Variants in NPHP3 observed in about 807,000 individuals in gnomAD.
The protein encoded by NPHP3 is nephrocystin-3.
In NPHP3, 123 loss-of-function variants were observed where a neutral mutation model predicts 171.9. That is an observed-to-expected ratio of 0.72 (90% CI 0.62 to 0.83). The LOEUF (loss-of-function observed/expected upper bound fraction) is 0.83. Ranked by LOEUF, NPHP3 falls within the 40% of genes least tolerant of loss-of-function variation. The pLI is 0.00. For missense variants in NPHP3, 1,506 were observed against 1,591.9 expected (o/e 0.95, Z 0.92); for synonymous variants, 558 against 579.2 (o/e 0.96, Z 0.52).
intron 21 of NPHP3, 54 bp downstream of exon 21, chr3:132,688,596 A>G: frequency 6.3e-7 from 1 of 1,590,628 alleles, no homozygotes; most frequent in Non-Finnish European, 8.6e-7. Context: ...TAAGTACACT[A>G]AAACTGTAAT....
In NPHP3 at chr3:132,700,394, C is replaced by CA; in HGVS notation, c.1682dup (p.Arg563LysfsTer14). ...CTGAGCTGGTTGACATGGGCCTTCC[C>CA]ACAAAATGGGAAAGAATCAGTGTGT... On this transcript the variant is annotated frameshift_variant, in exon 11 of 27. Coordinates refer to ENST00000337331, the MANE Select transcript of NPHP3 (RefSeq NM_153240.5). LOFTEE classifies it high-confidence loss of function. The CA allele has an allele frequency of 6.2e-7, 1 of 1,613,578 alleles. No homozygotes were observed. The highest frequency in any genetic ancestry group is 1.1e-5 in the South Asian group (1 of 91,018).
intron 9 of NPHP3, among the ~76,000 whole-genome samples, chr3:132,701,991 A>T (rs1337171353): frequency 4.6e-5 from 7 of 152,136 alleles, no homozygotes; most frequent in African/African-American, 1.4e-4. Flanking sequence ...GTGCCACCGC[A>T]CTCCAGCCTG....
intron 8 of NPHP3, 72 bp from the exon 9 acceptor site, chr3:132,704,443 C>CA: frequency 6.4e-7 from 1 of 1,557,400 alleles, no homozygotes; most frequent in Non-Finnish European, 8.9e-7. Flanking sequence ...CACCCAGGCC[C>CA]AAAGTGGGCT....
intron 1 of NPHP3, among the ~76,000 whole-genome samples, chr3:132,720,278 CT>C (rs1337420814): frequency 7.9e-5 from 12 of 152,228 alleles, no homozygotes; most frequent in African/African-American, 2.9e-4. Context: ...CAGTAAATGT[CT>C]GACACAATGA....
intron 20 of NPHP3, 25 bp downstream of exon 20, chr3:132,689,049 C>T: frequency 6.2e-7 from 1 of 1,613,940 alleles, no homozygotes; most frequent in Non-Finnish European, 8.5e-7. Context: ...CTGTCTCTGG[C>T]TTGCCATTGA....
At chr3:132,712,638 C>T (rs1352677121) in intron 6 of NPHP3, among the ~76,000 whole-genome samples, 2 of 151,974 alleles carry the variant, frequency 1.3e-5, no homozygotes, top group South Asian at 2.1e-4. Flanking sequence ...TGGTGGTGGG[C>T]GCCTATAGTC....
At chr3:132,690,373 T>C (rs985398553) in intron 19 of NPHP3, among the ~76,000 whole-genome samples, 155 bp downstream of exon 19, 1 of 152,224 alleles carries the variant, frequency 6.6e-6, no homozygotes, top group African/African-American at 2.4e-5. Flanking sequence ...GCAGATCTAA[T>C]AGAGATTTGT....
rs766279003 is a variant in NPHP3 at position 132,722,356 on chromosome 3, G to A, written c.-1C>T. 2 of 1,576,852 alleles carry A rather than the reference G, an allele frequency of 1.3e-6. No individual in the cohort carries two copies. On this transcript the variant is annotated 5_prime_UTR_variant, in exon 1 of 27. Coordinates refer to ENST00000337331, the MANE Select transcript of NPHP3 (RefSeq NM_153240.5). ...TCACGAGCGACGAGGCGGTCCCCAT[G>A]GCGTCCGTTGCCGCTACTACCTAGT...
In NPHP3 at chr3:132,700,049, A is replaced by G. The variant is rs1939564957; in HGVS notation, c.1756T>C (p.Ser586Pro). The change falls in exon 12 of 27, where the codon TCT (serine) becomes CCT (proline). Residue 586 changes from serine to proline, a missense_variant. Transcript: ENST00000337331. The part of the protein sequence containing the change: ...KRLTLKLMQH[S>P]WSVSALTLDP... ...AGTGTCAGAGCAGAGACTGACCAAG[A>G]GTGCTGCATCAACTACAAGATAAGA... 6.2e-7 allele frequency: 1 copy of G among 1,614,158 alleles called. No homozygotes were observed. Among genetic ancestry groups the G allele is most frequent in the African/African-American group, 1.3e-5 (1 of 75,060 alleles).
chr3:132,721,960 T>C lies in NPHP3; in HGVS notation c.393+3A>G, dbSNP rs1396374864. 1.2e-6 allele frequency: 2 copies of C among 1,612,312 alleles called. No homozygotes were observed. The highest frequency in any genetic ancestry group is 2.7e-5 in the African/African-American group (2 of 74,928). On this transcript the variant is annotated splice_donor_region_variant and intron_variant, in intron 1 of 26. Transcript: ENST00000337331. Reference sequence around the variant, plus strand: ...CCGGCGTCGCGGCCCAGCCCGGCGTTACCTGCAGTTCGGCCCGCAGCCGCT... The same window carrying C: ...CCGGCGTCGCGGCCCAGCCCGGCGTCACCTGCAGTTCGGCCCGCAGCCGCT...
At chr3:132,691,153 G>A (rs774403855) in intron 18 of NPHP3, 39 bp downstream of exon 18, 135 of 1,406,028 alleles carry the variant, frequency 9.6e-5, no homozygotes, top group Admixed American at 4.9e-4. Flanking sequence ...GTAGTGTGTT[G>A]CAGAAGTTAC....
Position 132,700,281 on chromosome 3 carries a change from C to G in NPHP3, c.1743+53G>C. 2.2e-6 allele frequency: 3 copies of G among 1,388,792 alleles called. No individual in the cohort carries two copies. The South Asian group carries it at 3.5e-5, about 16-fold the overall frequency. 86.0% of individuals were successfully genotyped at this position (1,388,792 alleles called of 1,614,324 possible). Reference sequence around the variant, plus strand: ...ACCAGTAGGTACTTATTAGTCCCAACAATTTCTGAATCTAAATAAAATTCT... The same window carrying G: ...ACCAGTAGGTACTTATTAGTCCCAAGAATTTCTGAATCTAAATAAAATTCT... On this transcript the variant is annotated intron_variant, in intron 11 of 26. Coordinates refer to ENST00000337331, the MANE Select transcript of NPHP3 (RefSeq NM_153240.5).
intron 15 of NPHP3, 35 bp downstream of exon 15, chr3:132,696,696 C>T: frequency 5.0e-6 from 8 of 1,588,150 alleles, no homozygotes; most frequent in Non-Finnish European, 6.9e-6. Context: ...AAACACAAAA[C>T]ATGCAGAAGA....
chr3:132,711,826 G>A (rs1039219053), intron 6 of NPHP3, among the ~76,000 whole-genome samples: 3 of 152,208 alleles, frequency 2.0e-5, no homozygotes, highest in African/African-American at 7.2e-5. Context: ...AGGCAATCAA[G>A]TTGAAGAACT....
intron 24 of NPHP3, among the ~76,000 whole-genome samples, chr3:132,683,841 C>G (rs1939092277): frequency 6.6e-6 from 1 of 152,210 alleles, no homozygotes; most frequent in African/African-American, 2.4e-5. Context: ...AAATAAAAAG[C>G]TCATTTCTTG....
intron 26 of NPHP3, chr3:132,682,475 T>C: frequency 1.7e-6 from 1 of 578,436 alleles, no homozygotes; most frequent in Non-Finnish European, 3.1e-6. Context: ...GTATAAACCA[T>C]CCTTCACTGT....
At chr3:132,701,349 G>A in intron 10 of NPHP3, 81 bp downstream of exon 10, 1 of 957,958 alleles carries the variant, frequency 1.0e-6, no homozygotes, top group Non-Finnish European at 1.7e-6. Flanking sequence ...CGCGCAGGAA[G>A]GCAGGCATGC....
At chr3:132,700,566 G>T (rs2107981583) in intron 10 of NPHP3, 118 bp from the exon 11 acceptor site, 1 of 590,488 alleles carries the variant, frequency 1.7e-6, no homozygotes, top group East Asian at 2.9e-5. Flanking sequence ...CAGGTGGTCA[G>T]TTACTTTTAA....
chr3:132,687,648 C>A (rs1939195563), intron 21 of NPHP3, among the ~76,000 whole-genome samples: 1 of 152,152 alleles, frequency 6.6e-6, no homozygotes, highest in Admixed American at 6.5e-5. Flanking sequence ...TCTGCACAGG[C>A]TAATTTCTGG....
Sources: gnomAD v4.1 joint callset for allele counts (sites outside exome capture counted in the v4.1 genomes callset) on GRCh38, gnomAD v4.1.1 for gene constraint, MANE v1.5 for transcripts, NCBI Gene and HGNC (gene_info 2026-07-23, HGNC 2026-07-21) for gene names.